Variants in SCN9A observed in about 807,000 individuals in gnomAD.
SCN9A encodes the protein sodium channel protein type 9 subunit alpha.
A neutral mutation model predicts 187.0 loss-of-function variants in SCN9A; 131 were observed. That is an observed-to-expected ratio of 0.70 (90% CI 0.61 to 0.81). SCN9A has a LOEUF of 0.81. Ranked by LOEUF, SCN9A falls within the 30% of genes least tolerant of loss-of-function variation. SCN9A has a pLI of 0.00. For synonymous variants in SCN9A, 809 were observed against 808.6 expected (o/e 1.00, Z -0.01); for missense variants, 2,252 against 2,396.6 (o/e 0.94, Z 1.26).
intron 9 of SCN9A, among the ~76,000 whole-genome samples, chr2:166,290,911 G>C (rs1422245959): frequency 2.6e-5 from 4 of 152,180 alleles, no homozygotes; most frequent in Middle Eastern, 3.4e-3. Flanking sequence ...CAATAAACTA[G>C]GTATTGATGG....
chr2:166,224,248 TAA>T (rs1694751210), intron 24 of SCN9A, among the ~76,000 whole-genome samples: 1 of 152,170 alleles, frequency 6.6e-6, no homozygotes, highest in South Asian at 2.1e-4. Flanking sequence ...ATATAATGCT[TAA>T]GTTGAGAAAA....
chr2:166,303,127 G>A lies in SCN9A; in HGVS notation c.864C>T (p.Ser288=). 3 of 1,608,572 alleles carry A rather than the reference G, an allele frequency of 1.9e-6. No homozygotes were observed. The highest frequency in any genetic ancestry group is 2.5e-6 in the Non-Finnish European group (3 of 1,176,584). Residue 288 remains serine (S), a synonymous_variant, in exon 7 of 27, where the codon AGC becomes AGT. Coordinates refer to ENST00000642356, the MANE Select transcript of SCN9A (RefSeq NM_001365536.1). ...CTTCACTCTCTAGGGTATTCATTAT[G>A]CTTTCTAATGTTTCATTATTTTCAA... ...NSLENNETLE[S]IMNTLESEED...
At chr2:166,357,465 T>G (rs1175292972) in intron 1 of SCN9A, among the ~76,000 whole-genome samples, 1 of 152,152 alleles carries the variant, frequency 6.6e-6, no homozygotes, top group Non-Finnish European at 1.5e-5. Flanking sequence ...CCAAGATAGT[T>G]GACTAAAGGA....
At chr2:166,332,711 A>G (rs979301237) in intron 1 of SCN9A, among the ~76,000 whole-genome samples, 2 of 152,058 alleles carry the variant, frequency 1.3e-5, no homozygotes, top group African/African-American at 4.8e-5. Context: ...CAAAACTTTT[A>G]TTTTGGACTA....
intron 1 of SCN9A, among the ~76,000 whole-genome samples, chr2:166,351,328 G>GA (rs1168021579): frequency 2.0e-5 from 3 of 152,124 alleles, no homozygotes; most frequent in Non-Finnish European, 4.4e-5. Context: ...AACTTATCAT[G>GA]AAAAAATTGC....
chr2:166,214,066 T>C (rs1694213586), intron 24 of SCN9A, among the ~76,000 whole-genome samples: 1 of 152,172 alleles, frequency 6.6e-6, no homozygotes, highest in Non-Finnish European at 1.5e-5. Flanking sequence ...AAAATGCTTT[T>C]TCTAGAGTGT....
chr2:166,346,592 G>A (rs1699907061), intron 1 of SCN9A, among the ~76,000 whole-genome samples: 1 of 152,090 alleles, frequency 6.6e-6, no homozygotes, highest in Non-Finnish European at 1.5e-5. Flanking sequence ...TCTCCTGTTT[G>A]TGAAAGATAT....
chr2:166,319,144 T>C (rs1217359790), intron 1 of SCN9A, among the ~76,000 whole-genome samples: 1 of 152,110 alleles, frequency 6.6e-6, no homozygotes, highest in Non-Finnish European at 1.5e-5. Context: ...TAGATTGCCA[T>C]TAAAATTTCC....
chr2:166,229,526 C>T (rs906403193), intron 21 of SCN9A, among the ~76,000 whole-genome samples: 6 of 151,880 alleles, frequency 4.0e-5, no homozygotes, highest in African/African-American at 1.5e-4. Context: ...ATTTTCTTTT[C>T]TTATTCTCTT....
intron 13 of SCN9A, among the ~76,000 whole-genome samples, chr2:166,281,031 CCTAGAACCAAGCAA>C (rs1697463032): frequency 6.6e-6 from 1 of 152,114 alleles, no homozygotes; most frequent in Admixed American, 6.5e-5. Flanking sequence ...TGAAAACAAT[CCTAGAACCAAGCAA>C]CTAGAAATAA....
intron 1 of SCN9A, among the ~76,000 whole-genome samples, chr2:166,323,816 G>T (rs1046130603): frequency 2.0e-5 from 3 of 151,674 alleles, no homozygotes; most frequent in African/African-American, 2.4e-5. Context: ...TTATTTAAGA[G>T]AATAAGTTAT....
intron 24 of SCN9A, chr2:166,205,048 A>G (rs1353222910): frequency 2.0e-5 from 3 of 152,216 alleles, no homozygotes; most frequent in Non-Finnish European, 4.4e-5. Context: ...ATGCTCATGG[A>G]TAGGAAGACT....
intron 24 of SCN9A, among the ~76,000 whole-genome samples, chr2:166,205,610 T>C (rs1308341401): frequency 6.6e-6 from 1 of 152,078 alleles, no homozygotes; most frequent in East Asian, 1.9e-4. Flanking sequence ...GGGCAAAGAC[T>C]TCATGACTAA....
chr2:166,257,464 T>C (rs1696329178), intron 17 of SCN9A, among the ~76,000 whole-genome samples: 1 of 151,688 alleles, frequency 6.6e-6, no homozygotes, highest in Admixed American at 6.6e-5. Flanking sequence ...GAATAATTAC[T>C]AGCTTTTTAA....
intron 1 of SCN9A, among the ~76,000 whole-genome samples, chr2:166,322,281 A>C (rs927352389): frequency 6.6e-5 from 10 of 152,202 alleles, no homozygotes; most frequent in Non-Finnish European, 1.5e-4. Context: ...AAAATGAATA[A>C]AATCCTTCAG....
chr2:166,206,655 A>G (rs1693821652), intron 24 of SCN9A, among the ~76,000 whole-genome samples: 1 of 152,212 alleles, frequency 6.6e-6, no homozygotes, highest in African/African-American at 2.4e-5. Flanking sequence ...TAGAACTTAA[A>G]GTATAATAAT....
At chr2:166,298,858 A>G (rs1698431841) in intron 7 of SCN9A, 1 of 152,234 alleles carries the variant, frequency 6.6e-6, no homozygotes, top group Admixed American at 6.5e-5. Context: ...AATCTCCAAC[A>G]TCAAATTTGC....
At chr2:166,345,608 A>C (rs573278742) in intron 1 of SCN9A, among the ~76,000 whole-genome samples, 3 of 152,150 alleles carry the variant, frequency 2.0e-5, no homozygotes, top group African/African-American at 4.8e-5. Flanking sequence ...AAATTAATAG[A>C]GGACAAAACA....
intron 18 of SCN9A, among the ~76,000 whole-genome samples, chr2:166,249,146 C>T (rs761841211): frequency 5.3e-5 from 8 of 152,092 alleles, no homozygotes; most frequent in African/African-American, 1.4e-4. Flanking sequence ...CTTTACATCA[C>T]GGAAGAAACG....
Sources: gnomAD v4.1 joint callset for allele counts (sites outside exome capture counted in the v4.1 genomes callset) on GRCh38, gnomAD v4.1.1 for gene constraint, MANE v1.5 for transcripts, NCBI Gene and HGNC (gene_info 2026-07-23, HGNC 2026-07-21) for gene names.